The following RNF144A variants were observed in gnomAD, a reference collection of about 807,000 sequenced individuals.
RNF144A encodes the protein E3 ubiquitin-protein ligase RNF144A.
In RNF144A, 11 loss-of-function variants were observed where a neutral mutation model predicts 38.7. That is an observed-to-expected ratio of 0.28 (90% CI 0.18 to 0.47). The LOEUF is 0.47. Among genes scored for constraint, RNF144A ranks in the 20% least tolerant of loss-of-function variants. The probability of loss-of-function intolerance (pLI) is 0.99; values close to 1 mark genes in which losing one functional copy is unlikely to be tolerated. For synonymous variants in RNF144A, 149 were observed against 143.9 expected, an observed-to-expected ratio of 1.04 and a Z score of -0.25; for missense variants, 316 against 377.2, an observed-to-expected ratio of 0.84 and a Z score of 1.34.
At chr2:7,005,723 A>G (rs1021956090) in intron 3 of RNF144A, among the ~76,000 whole-genome samples, 1 of 152,084 alleles carries the variant, frequency 6.6e-6, no homozygotes, top group African/African-American at 2.4e-5. Flanking sequence ...ATTTTTATCC[A>G]TGGCTCTTAG....
intron 2 of RNF144A, among the ~76,000 whole-genome samples, chr2:6,972,623 A>G (rs1454321797): frequency 1.3e-5 from 2 of 151,920 alleles, no homozygotes; most frequent in Non-Finnish European, 2.9e-5. Context: ...TACCTTAGAG[A>G]TTTACTGTTT....
chr2:6,917,893 C>T lies in RNF144A; in HGVS notation c.-212+271C>T, dbSNP rs552538835. Among the ~76,000 whole-genome samples, 6 of 151,394 alleles carry T rather than the reference C, an allele frequency of 4.0e-5. No homozygotes were observed. In the East Asian group the frequency reaches 1.2e-3, roughly 30 times the overall value. ...TGCTCCTGCCCTGCCCTGCCTCTCGCAGGCGGCGCCCGCGCCCCAGGGCAG... is the reference window on the plus strand; with the variant it reads ...TGCTCCTGCCCTGCCCTGCCTCTCGTAGGCGGCGCCCGCGCCCCAGGGCAG... On this transcript the variant is annotated intron_variant, in intron 1 of 8. Coordinates refer to ENST00000320892, the MANE Select transcript of RNF144A (RefSeq NM_014746.6). The surrounding 1 kb of genome is among the most constrained non-coding windows in gnomAD (Gnocchi z 4.8).
chr2:6,949,115 C>G (rs1666518161), intron 2 of RNF144A, among the ~76,000 whole-genome samples: 1 of 152,086 alleles, frequency 6.6e-6, no homozygotes, highest in African/African-American at 2.4e-5. Flanking sequence ...TTGGTGCAGG[C>G]TAAAGTCAGC....
chr2:7,022,976 A>T (rs183331275), intron 6 of RNF144A, among the ~76,000 whole-genome samples: 1 of 152,222 alleles, frequency 6.6e-6, no homozygotes, highest in East Asian at 1.9e-4. Flanking sequence ...ACTACTGTTT[A>T]TTGAGTGCCT....
At chr2:6,966,152 C>T (rs932625850) in intron 2 of RNF144A, among the ~76,000 whole-genome samples, 12 of 152,230 alleles carry the variant, frequency 7.9e-5, no homozygotes, top group South Asian at 4.1e-4. Flanking sequence ...AGAGAAACAC[C>T]GGAATATTTT....
chr2:6,947,894 C>G (rs963831465), intron 2 of RNF144A, among the ~76,000 whole-genome samples: 11 of 152,150 alleles, frequency 7.2e-5, no homozygotes, highest in African/African-American at 2.7e-4. Flanking sequence ...GGCAGATGCT[C>G]TAAGGATCAG....
chr2:6,989,427 G>C (rs2103376906), intron 2 of RNF144A, among the ~76,000 whole-genome samples: 1 of 152,288 alleles, frequency 6.6e-6, no homozygotes, highest in African/African-American at 2.4e-5. Context: ...GCAGCAGGCA[G>C]CTTCATCACC....
downstream of RNF144A, among the ~76,000 whole-genome samples, chr2:7,047,523 C>A (rs760617239): frequency 5.3e-5 from 8 of 152,148 alleles, no homozygotes; most frequent in African/African-American, 1.7e-4. Context: ...TTCACTATCA[C>A]GAGAATAGCG....
chr2:6,971,785 A>G (rs1438549067), intron 2 of RNF144A, among the ~76,000 whole-genome samples: 1 of 152,112 alleles, frequency 6.6e-6, no homozygotes, highest in Non-Finnish European at 1.5e-5. Flanking sequence ...GCATGGATTC[A>G]ACTCCCAGTT....
chr2:6,965,438 A>G (rs555619511), intron 2 of RNF144A, among the ~76,000 whole-genome samples: 2 of 152,230 alleles, frequency 1.3e-5, no homozygotes, highest in Non-Finnish European at 2.9e-5. Flanking sequence ...CTTTGTGTCA[A>G]TTACTCAATT....
the RNF144A span, among the ~76,000 whole-genome samples, chr2:7,073,688 C>T: frequency 1.1e-3 from 173 of 152,318 alleles, no homozygotes; most frequent in Non-Finnish European, 1.6e-3. Context: ...TAAGCACGTA[C>T]GCTATGCCAG....
Position 7,014,501 on chromosome 2 carries a change from C to T in RNF144A, c.183C>T (p.Thr61=), listed in dbSNP as rs309325. Residue 61 remains threonine (T), a synonymous_variant, in exon 4 of 9, where the codon ACC becomes ACT. Transcript: ENST00000320892. The stretch of plus-strand genomic sequence containing the variant: ...TCTTGATCAAAGAAGGATTAGAAAC[C>T]GCAATTAGCTGCCCAGATGCTGCCT... The part of the protein sequence containing the change: ...VELLIKEGLE[T]AISCPDAACP... 1.8e-4 allele frequency: 285 copies of T among 1,611,130 alleles called. No individual in the cohort carries two copies. The East Asian group carries it at 5.3e-3, about 30-fold the overall frequency.
At chr2:6,945,614 A>G (rs1035194923) in intron 2 of RNF144A, among the ~76,000 whole-genome samples, 2 of 152,208 alleles carry the variant, frequency 1.3e-5, no homozygotes, top group African/African-American at 2.4e-5. Flanking sequence ...TCAGCATTTA[A>G]TGAGCATCCA....
chr2:6,966,832 C>G (rs1175743979), intron 2 of RNF144A, among the ~76,000 whole-genome samples: 1 of 152,184 alleles, frequency 6.6e-6, no homozygotes, highest in Non-Finnish European at 1.5e-5. Flanking sequence ...GATTCTTGAG[C>G]TGCTGTTACT....
chr2:7,016,650 A>T (rs911613784), intron 5 of RNF144A, among the ~76,000 whole-genome samples: 8 of 152,200 alleles, frequency 5.3e-5, no homozygotes, highest in African/African-American at 9.6e-5. Context: ...TTCATACTAT[A>T]AAAGACCTGT....
At chr2:7,045,795 G>T (rs1044784519), downstream of RNF144A, among the ~76,000 whole-genome samples, 9 of 152,168 alleles carry the variant, frequency 5.9e-5, no homozygotes, top group African/African-American at 2.2e-4. Context: ...ACAGCAGGTG[G>T]CGGGGCTCCG....
In RNF144A at chr2:6,992,199, T is replaced by C. The variant is rs1669431213; in HGVS notation, c.-11-4717T>C. On this transcript the variant is annotated intron_variant, in intron 2 of 8. Coordinates refer to ENST00000320892, the MANE Select transcript of RNF144A (RefSeq NM_014746.6). ...TGGAATGATACTGACCAGTGGTTCTTGGGCTTCATTGTGCATCACAGTCCC... is the reference window on the plus strand; with the variant it reads ...TGGAATGATACTGACCAGTGGTTCTCGGGCTTCATTGTGCATCACAGTCCC... Among the ~76,000 whole-genome samples, 4 of 152,210 alleles carry C rather than the reference T, an allele frequency of 2.6e-5. No homozygotes were observed. In the South Asian group the frequency reaches 8.3e-4, roughly 32 times the overall value.
chr2:7,058,572 G>A (rs1377201980), intron 6 of RNF144A, among the ~76,000 whole-genome samples: 1 of 151,934 alleles, frequency 6.6e-6, no homozygotes, highest in African/African-American at 2.4e-5. Flanking sequence ...TATTTCTCTA[G>A]GTGTTTCTAA....
At chr2:7,018,380 T>C (rs1194468750) in intron 5 of RNF144A, among the ~76,000 whole-genome samples, 1 of 152,218 alleles carries the variant, frequency 6.6e-6, no homozygotes, top group Non-Finnish European at 1.5e-5. Context: ...AAAGCTGGGC[T>C]CACCCCACAG....
Sources: allele counts gnomAD v4.1 joint callset (sites outside exome capture counted in the v4.1 genomes callset), GRCh38; gene constraint gnomAD v4.1.1; non-coding constraint Gnocchi (gnomAD v3.1); transcripts MANE v1.5; gene names NCBI Gene and HGNC (gene_info 2026-07-23, HGNC 2026-07-21).